PCDHGA3: variants seen among roughly 807,000 people sequenced by gnomAD.
PCDHGA3 encodes protocadherin gamma subfamily A, 3, also known as protocadherin gamma-A3.
Under a neutral mutation model 58.5 loss-of-function variants are expected in PCDHGA3, and 40 were observed. The ratio of observed to expected loss-of-function variants is 0.68; its 90% confidence interval spans 0.53 to 0.89. The LOEUF is 0.89. Ranked by LOEUF, PCDHGA3 falls within the 40% of genes least tolerant of loss-of-function variation. The pLI is 0.00. For missense variants in PCDHGA3, 1,223 were observed against 1,195.9 expected (o/e 1.02, Z -0.33); for synonymous variants, 530 against 525.7 (o/e 1.01, Z -0.11).
At chr5:141,430,557 G>C (rs1161595629) in intron 1 of PCDHGA3, 5 of 412,906 alleles carry the variant, frequency 1.2e-5, no homozygotes, top group Non-Finnish European at 1.7e-5. Context: ...TTCACCAATC[G>C]GGGAGAGAAA....
rs758066525 is a variant in PCDHGA3, at chr5:141,477,331, T to C, written c.2425-17476T>C. The C allele has an allele frequency of 7.4e-6, 12 of 1,614,024 alleles. No individual in the cohort carries two copies. In the East Asian group the frequency reaches 1.1e-4, roughly 15 times the overall value. Reference sequence around the variant, plus strand: ...TCAGCCTTACTTCTTCCCTCAAGAATTACTTCACTTTGAAAACCAGTGCAG... The same window carrying C: ...TCAGCCTTACTTCTTCCCTCAAGAACTACTTCACTTTGAAAACCAGTGCAG... On this transcript the variant is annotated intron_variant, in intron 1 of 3. Coordinates refer to ENST00000253812, the MANE Select transcript of PCDHGA3 (RefSeq NM_018916.4). This position sits in a 1 kb window ranked among gnomAD's most constrained non-coding sequence, Gnocchi z 4.9.
At chr5:141,449,588 CAAAA>C (rs768743917) in intron 1 of PCDHGA3, among the ~76,000 whole-genome samples, 2 of 57,488 alleles carry the variant, frequency 3.5e-5, no homozygotes, top group Non-Finnish European at 3.7e-5. Flanking sequence ...GACTCTGTCT[CAAAA>C]AAAAAAAAAA....
At chr5:141,399,822 C>G (rs755182775) in intron 1 of PCDHGA3, 6 of 1,613,084 alleles carry the variant, frequency 3.7e-6, no homozygotes, top group East Asian at 2.2e-5. Context: ...CGCTGGGTCC[C>G]GACGGCTCTG....
At chr5:141,367,332 A>T (rs957450702) in intron 1 of PCDHGA3, 3 of 152,294 alleles carry the variant, frequency 2.0e-5, no homozygotes, top group African/African-American at 4.8e-5. Flanking sequence ...AGGTCAGGAG[A>T]TCGAGACCAT....
rs986276637 is a variant in PCDHGA3, at chr5:141,487,728, C to A, written c.2425-7079C>A. The A allele has an allele frequency of 3.2e-6, 5 of 1,570,444 alleles. No individual in the cohort carries two copies. The highest frequency in any genetic ancestry group is 2.3e-5 in the East Asian group (1 of 42,866). On this transcript the variant is annotated intron_variant, in intron 1 of 3. Transcript: ENST00000253812. The surrounding 1 kb of genome is among the most constrained non-coding windows in gnomAD (Gnocchi z 5.0). ...TCAGTAAGTGCCCATAGTGATGTCACCATTTTTGTAAGAGGTAACTATGTG... is the reference window on the plus strand; with the variant it reads ...TCAGTAAGTGCCCATAGTGATGTCAACATTTTTGTAAGAGGTAACTATGTG...
Position 141,487,544 on chromosome 5 carries a change from C to A in PCDHGA3, c.2425-7263C>A. 1 of 1,614,190 alleles carries A rather than the reference C, an allele frequency of 6.2e-7. No homozygotes were observed. The highest frequency in any genetic ancestry group is 1.1e-5 in the South Asian group (1 of 91,088). On this transcript the variant is annotated intron_variant, in intron 1 of 3. Transcript: ENST00000253812. This position sits in a 1 kb window ranked among gnomAD's most constrained non-coding sequence, Gnocchi z 5.0. ...TGATAGCTTCATGATGGTGAAGTCA[C>A]CCAGTGCACCTATGGCAGGGGAGCC... is the stretch of plus-strand genomic sequence containing the variant.
chr5:141,355,783 G>T, intron 1 of PCDHGA3: 2 of 1,613,802 alleles, frequency 1.2e-6, no homozygotes, highest in Non-Finnish European at 1.7e-6. Flanking sequence ...CCCAGAGCTG[G>T]TGCTGGAACG....
chr5:141,459,404 G>C (rs2098967432), intron 1 of PCDHGA3, among the ~76,000 whole-genome samples: 1 of 152,182 alleles, frequency 6.6e-6, no homozygotes, highest in Non-Finnish European at 1.5e-5. Flanking sequence ...GAGCAGTATT[G>C]CATTGTGTGG....
At chr5:141,471,046 C>G (rs960750377) in intron 1 of PCDHGA3, among the ~76,000 whole-genome samples, 3 of 113,280 alleles carry the variant, frequency 2.6e-5, no homozygotes, top group African/African-American at 1.1e-4. Context: ...CCCAAGCCCT[C>G]TTTTTTTTTT....
At chr5:141,418,823 A>G (rs985060966) in intron 1 of PCDHGA3, 7 of 1,613,868 alleles carry the variant, frequency 4.3e-6, no homozygotes, top group Admixed American at 3.3e-5. Context: ...CATAGAAGCA[A>G]AAGACCGAGG....
At chr5:141,506,306 G>A (rs539365378) in intron 3 of PCDHGA3, among the ~76,000 whole-genome samples, 4 of 152,040 alleles carry the variant, frequency 2.6e-5, no homozygotes, top group Non-Finnish European at 5.9e-5. Flanking sequence ...AAAATTAGCT[G>A]GGCATGGTGG....
intron 1 of PCDHGA3, chr5:141,365,337 C>T: frequency 1.9e-6 from 3 of 1,613,956 alleles, no homozygotes; most frequent in Non-Finnish European, 2.5e-6. Flanking sequence ...GTGGTGGTCA[C>T]AGTACAGGAC....
intron 1 of PCDHGA3, chr5:141,442,490 T>C (rs2098328971): frequency 6.6e-6 from 1 of 152,222 alleles, no homozygotes; most frequent in South Asian, 2.1e-4. Flanking sequence ...AAGGGGATGA[T>C]TGTGATTATT....
chr5:141,366,557 G>A (rs376762797), intron 1 of PCDHGA3: 1 of 1,614,150 alleles, frequency 6.2e-7, no homozygotes, highest in African/African-American at 1.3e-5. Flanking sequence ...CTTTGTGGGC[G>A]TGGATGGGGT....
chr5:141,351,109 AAGT>A, intron 1 of PCDHGA3: 1 of 1,614,046 alleles, frequency 6.2e-7, no homozygotes, highest in Non-Finnish European at 8.5e-7. Context: ...ATTCCCCAAT[AAGT>A]ACCAGCCTCT....
At chr5:141,371,667 A>G in intron 1 of PCDHGA3, 1 of 1,614,022 alleles carries the variant, frequency 6.2e-7, no homozygotes, top group Non-Finnish European at 8.5e-7. Flanking sequence ...GATCACAGCT[A>G]CCGACAAAGG....
chr5:141,423,996 A>G (rs1164307988), intron 1 of PCDHGA3: 1 of 1,079,028 alleles, frequency 9.3e-7, no homozygotes, highest in African/African-American at 1.7e-5. Context: ...AATTTATTAT[A>G]TATAGATACA....
chr5:141,366,831 A>G, intron 1 of PCDHGA3: 1 of 1,522,238 alleles, frequency 6.6e-7, no homozygotes, highest in Non-Finnish European at 8.8e-7. Flanking sequence ...ATTCAGAATC[A>G]GCTAGTTATG....
intron 1 of PCDHGA3, chr5:141,379,744 G>T (rs1333166422): frequency 6.6e-6 from 1 of 152,052 alleles, no homozygotes; most frequent in African/African-American, 2.4e-5. Flanking sequence ...GCTAAATGAG[G>T]TTCTTTAATC....
Sources: allele counts gnomAD v4.1 joint callset (sites outside exome capture counted in the v4.1 genomes callset), GRCh38; gene constraint gnomAD v4.1.1; non-coding constraint Gnocchi (gnomAD v3.1); transcripts MANE v1.5; gene names NCBI Gene and HGNC (gene_info 2026-07-23, HGNC 2026-07-21).